Variants in ZFYVE28 observed in about 807,000 individuals in gnomAD.
ZFYVE28 encodes lateral signaling target protein 2 homolog.
A neutral mutation model predicts 82.1 loss-of-function variants in ZFYVE28; 40 were observed. The observed-to-expected ratio is 0.49, with a 90% CI of 0.38 to 0.63. The LOEUF is 0.63. Among genes scored for constraint, ZFYVE28 ranks in the 30% least tolerant of loss-of-function variants. ZFYVE28 has a pLI of 0.00. For synonymous variants in ZFYVE28, 612 were observed against 546.1 expected (o/e 1.12, Z -1.68); for missense variants, 1,321 against 1,242.1 (o/e 1.06, Z -0.96).
At chr4:2,358,093 C>T (rs562587418) in intron 1 of ZFYVE28, among the ~76,000 whole-genome samples, 11 of 152,150 alleles carry the variant, frequency 7.2e-5, no homozygotes, top group Non-Finnish European at 1.0e-4. Context: ...CATGTCCCCT[C>T]GGCTCACTCA....
At chr4:2,404,701 TAATAGA>T (rs1731641164) in intron 1 of ZFYVE28, among the ~76,000 whole-genome samples, 1 of 152,004 alleles carries the variant, frequency 6.6e-6, no homozygotes, top group South Asian at 2.1e-4. Context: ...AGTGACTACA[TAATAGA>T]AACAGGGTGT....
At chr4:2,313,189 T>G (rs1350930248) in intron 7 of ZFYVE28, among the ~76,000 whole-genome samples, 2 of 151,834 alleles carry the variant, frequency 1.3e-5, no homozygotes, top group Non-Finnish European at 2.9e-5. Context: ...GTCTTTGAGG[T>G]TCACTGTGGG....
intron 9 of ZFYVE28, among the ~76,000 whole-genome samples, chr4:2,273,699 C>A (rs914081813): frequency 1.3e-5 from 2 of 152,166 alleles, no homozygotes; most frequent in African/African-American, 4.8e-5. Context: ...TGTCTACCTG[C>A]AAAGCATGTC....
chr4:2,270,844 G>A lies in ZFYVE28; in HGVS notation c.2545C>T (p.Arg849Cys), dbSNP rs139636438. The A allele has an allele frequency of 2.2e-5, 35 of 1,612,760 alleles. No individual in the cohort carries two copies. The highest frequency in any genetic ancestry group is 4.0e-5 in the African/African-American group (3 of 74,934). The change falls in exon 13 of 13, where the codon CGC becomes TGC. Residue 849 changes from arginine (R) to cysteine (C), a missense_variant. Transcript: ENST00000290974. Reference sequence around the variant, plus strand: ...AGCGGTGCTGAGTGCGAGGAGCAGCGCGAGCAGAAGATCTGGAATGGGGTT... The same window carrying A: ...AGCGGTGCTGAGTGCGAGGAGCAGCACGAGCAGAAGATCTGGAATGGGGTT... Reference protein sequence around the residue: ...CRSCGKIFCSRCSSHSAPLPR... With the variant: ...CRSCGKIFCSCCSSHSAPLPR...
At chr4:2,311,619 C>A (rs572719712) in intron 7 of ZFYVE28, among the ~76,000 whole-genome samples, 26 of 152,214 alleles carry the variant, frequency 1.7e-4, no homozygotes, top group South Asian at 1.7e-3. Flanking sequence ...TTTATTATTT[C>A]TTTTCTCCTG....
intron 8 of ZFYVE28, among the ~76,000 whole-genome samples, chr4:2,284,591 G>A (rs1469928600): frequency 6.6e-6 from 1 of 152,220 alleles, no homozygotes; most frequent in Non-Finnish European, 1.5e-5. Flanking sequence ...TGGCCACCAG[G>A]TCAGGACAAT....
At chr4:2,307,413 T>A (rs1359723631) in intron 7 of ZFYVE28, among the ~76,000 whole-genome samples, 6 of 152,202 alleles carry the variant, frequency 3.9e-5, no homozygotes, top group African/African-American at 1.4e-4. Flanking sequence ...TCTTTATGAT[T>A]AGTGCTTTGT....
chr4:2,353,967 C>G lies in ZFYVE28; in HGVS notation c.146G>C (p.Cys49Ser). Residue 49 changes from cysteine (C) to serine (S), a missense_variant, in exon 2 of 13, where the codon TGC becomes TCC. Cys to Ser is a moderately radical substitution (Grantham distance 112, BLOSUM62 -1). Around this residue, in one of 2 missense-constraint regions of ZFYVE28, gnomAD observed 343 missense variants for 408.4 expected, o/e 0.84. Transcript: ENST00000290974. ...SLDGRKDPQRCTLLVSQFRSC... is the reference protein window; with the variant it reads ...SLDGRKDPQRSTLLVSQFRSC... ...GCGGAACTGGCTGACCAGCAGCGTG[C>G]ACCGCTGGGGGTCCTTCCGCCCATC... 1 of 1,572,106 alleles carries G rather than the reference C, an allele frequency of 6.4e-7. No homozygotes were observed. Among genetic ancestry groups the G allele is most frequent in the Non-Finnish European group, 8.6e-7 (1 of 1,159,298 alleles).
intron 8 of ZFYVE28, among the ~76,000 whole-genome samples, chr4:2,302,852 C>T (rs576667494): frequency 5.1e-4 from 77 of 152,328 alleles, no homozygotes; most frequent in Admixed American, 5.9e-4. Context: ...TGGACGAAGC[C>T]GGACCCTGGA....
chr4:2,303,406 G>A (rs538859297), intron 8 of ZFYVE28, among the ~76,000 whole-genome samples: 7 of 152,272 alleles, frequency 4.6e-5, no homozygotes, highest in South Asian at 2.1e-4. Context: ...TCTGCTGCCC[G>A]GCTCCCACGG....
intron 8 of ZFYVE28, among the ~76,000 whole-genome samples, chr4:2,274,733 A>G (rs1394899793): frequency 6.6e-6 from 1 of 152,244 alleles, no homozygotes; most frequent in African/African-American, 2.4e-5. Context: ...CGGACAGGTC[A>G]TAAGTCCAAA....
intron 7 of ZFYVE28, among the ~76,000 whole-genome samples, chr4:2,308,697 GA>G (rs781493887): frequency 2.4e-5 from 3 of 124,326 alleles, no homozygotes; most frequent in South Asian, 5.3e-4. Context: ...GAAAAGAAAA[GA>G]AAAGAAAAAA....
At chr4:2,298,749 G>T (rs2108816969) in intron 8 of ZFYVE28, among the ~76,000 whole-genome samples, 1 of 152,362 alleles carries the variant, frequency 6.6e-6, no homozygotes, top group Non-Finnish European at 1.5e-5. Flanking sequence ...GACGGACAGT[G>T]ACAGGCTCTG....
intron 6 of ZFYVE28, chr4:2,330,857 A>G (rs1468793868): frequency 7.2e-6 from 11 of 1,533,256 alleles, no homozygotes; most frequent in Non-Finnish European, 9.6e-6. Flanking sequence ...CTGGGGAGAG[A>G]GGACTGGTGT....
intron 2 of ZFYVE28, among the ~76,000 whole-genome samples, chr4:2,351,770 C>T (rs1320031179): frequency 1.3e-5 from 2 of 152,206 alleles, no homozygotes; most frequent in Admixed American, 6.5e-5. Context: ...CAAGTCCAGG[C>T]ATGGTCTGTG....
chr4:2,334,220 G>T (rs1721202461), intron 6 of ZFYVE28, among the ~76,000 whole-genome samples: 3 of 152,128 alleles, frequency 2.0e-5, no homozygotes, highest in African/African-American at 7.2e-5. Flanking sequence ...TATTGGAGGG[G>T]ACTCTGGGGA....
intron 2 of ZFYVE28, among the ~76,000 whole-genome samples, chr4:2,347,841 A>C (rs981592887): frequency 4.6e-5 from 7 of 152,138 alleles, no homozygotes; most frequent in African/African-American, 1.7e-4. Flanking sequence ...CTCTAACCTC[A>C]GTTGCCACAT....
intron 2 of ZFYVE28, 30 bp downstream of exon 2, chr4:2,353,903 C>A: frequency 6.8e-7 from 1 of 1,470,628 alleles, no homozygotes; most frequent in Non-Finnish European, 9.1e-7. Flanking sequence ...CCCAGCGGGG[C>A]CAGCCAGCTT....
Position 2,270,545 on chromosome 4 carries a change from CG to C in ZFYVE28, c.*179del. ...CTCTTGTTGGCCCCTGCAGCCGGCC[CG>C]GGGTCCCTGCAGGGAGGCTAGCGTG... On this transcript the variant is annotated 3_prime_UTR_variant, in exon 13 of 13. Transcript: ENST00000290974. 5.5e-6 allele frequency: 5 copies of C among 912,430 alleles called. No individual in the cohort carries two copies. In the South Asian group the frequency reaches 8.7e-5, roughly 16 times the overall value. 56.5% of individuals were successfully genotyped at this position (912,430 alleles called of 1,614,324 possible).
Sources: gnomAD v4.1 joint callset for allele counts (sites outside exome capture counted in the v4.1 genomes callset) on GRCh38, gnomAD v4.1.1 for gene constraint, gnomAD v4.1.1 regional missense constraint, MANE v1.5 for transcripts, NCBI Gene and HGNC (gene_info 2026-07-23, HGNC 2026-07-21) for gene names.